Variants in CAMK1D observed in about 807,000 individuals in gnomAD.
The protein encoded by CAMK1D is calcium/calmodulin dependent protein kinase ID, also known as calcium/calmodulin-dependent protein kinase type 1D.
Under a neutral mutation model 47.7 loss-of-function variants are expected in CAMK1D, and 9 were observed. That is an observed-to-expected ratio of 0.19 (90% CI 0.11 to 0.33). CAMK1D has a LOEUF of 0.33. CAMK1D is among the 10% of genes least tolerant of loss of function. The probability of loss-of-function intolerance (pLI) is 1.00; values close to 1 mark genes in which losing one functional copy is unlikely to be tolerated. For missense variants in CAMK1D, 291 were observed against 488.7 expected (o/e 0.60, Z 3.81); for synonymous variants, 184 against 184.9 (o/e 0.99, Z 0.04).
intron 2 of CAMK1D, among the ~76,000 whole-genome samples, chr10:12,620,199 A>AAAAAAAAAAAG (rs1838952667): frequency 6.9e-6 from 1 of 144,290 alleles, no homozygotes; most frequent in Non-Finnish European, 1.6e-5. Flanking sequence ...AAAAAAAAAA[A>AAAAAAAAAAAG]AAAAAAAAAA....
chr10:12,662,470 G>C (rs1253653920), intron 2 of CAMK1D, among the ~76,000 whole-genome samples: 1 of 152,144 alleles, frequency 6.6e-6, no homozygotes, highest in Non-Finnish European at 1.5e-5. Context: ...GACTAACGCG[G>C]TGAAACCCTG....
At chr10:12,747,086 C>T (rs1318260592) in intron 3 of CAMK1D, among the ~76,000 whole-genome samples, 1 of 151,882 alleles carries the variant, frequency 6.6e-6, no homozygotes, top group Non-Finnish European at 1.5e-5. Context: ...GGCTAGAGTG[C>T]AGTGGCACGA....
Position 12,830,824 on chromosome 10 carries a change from CCAGTCATGGGAAGTCCTGTTGGTT to C in CAMK1D, c.*1938_*1961del, listed in dbSNP as rs1833403648. 7.9e-6 allele frequency: 1 copy of C among 127,156 alleles called. No homozygotes were observed. Among genetic ancestry groups the C allele is most frequent in the South Asian group, 2.8e-4 (1 of 3,550 alleles). 7.9% of individuals were successfully genotyped at this position (127,156 alleles called of 1,614,324 possible). A position where few individuals can be genotyped will look rare whatever the true frequency, so the allele number is the denominator to read the frequency against. On this transcript the variant is annotated 3_prime_UTR_variant, in exon 11 of 11. Coordinates refer to ENST00000619168, the MANE Select transcript of CAMK1D (RefSeq NM_153498.4). Reference sequence around the variant, plus strand: ...CCTCATGCCCTCTTCCTCTGGCTGGCCAGTCATGGGAAGTCCTGTTGGTTGAGTCATCTTTGTCACTTCTACACC... The same window carrying C: ...CCTCATGCCCTCTTCCTCTGGCTGGCGAGTCATCTTTGTCACTTCTACACC...
At chr10:12,405,377 C>T (rs1839382530) in intron 1 of CAMK1D, among the ~76,000 whole-genome samples, 1 of 152,154 alleles carries the variant, frequency 6.6e-6, no homozygotes, top group South Asian at 2.1e-4. Context: ...ATCAGCGAGC[C>T]TCGGAGTCAT....
At chr10:12,791,686 G>A (rs534493965) in intron 6 of CAMK1D, among the ~76,000 whole-genome samples, 6 of 152,258 alleles carry the variant, frequency 3.9e-5, no homozygotes, top group Admixed American at 1.3e-4. Flanking sequence ...AGTATATTCC[G>A]TTGTGTGGAT....
chr10:12,537,725 A>G (rs944508674), intron 1 of CAMK1D, among the ~76,000 whole-genome samples: 2 of 152,226 alleles, frequency 1.3e-5, no homozygotes, highest in Non-Finnish European at 2.9e-5. Flanking sequence ...AGCCCTTGGC[A>G]TAACAGGGCT....
intron 1 of CAMK1D, among the ~76,000 whole-genome samples, chr10:12,486,419 A>C (rs1271902016): frequency 2.0e-5 from 3 of 152,094 alleles, no homozygotes; most frequent in Non-Finnish European, 4.4e-5. Context: ...CGGTCTCCCA[A>C]AGTGCTGGGA....
Position 12,487,013 on chromosome 10 carries a change from GA to G in CAMK1D, c.93-66204del, listed in dbSNP as rs571941335. Among the ~76,000 whole-genome samples, 116 of 151,926 alleles carry G rather than the reference GA, an allele frequency of 7.6e-4. 1 individual carries two copies. Among genetic ancestry groups the G allele is most frequent in the African/African-American group, 1.8e-3 (76 of 41,432 alleles). ...GGAGAAATTTAGGAGCTAATTAAAA[GA>G]AAAAAAACACCTTTTATTTTAGGTT... is the stretch of plus-strand genomic sequence containing the variant. On this transcript the variant is annotated intron_variant, in intron 1 of 10. Transcript: ENST00000619168.
chr10:12,685,266 A>G (rs1341492563), intron 3 of CAMK1D, among the ~76,000 whole-genome samples: 1 of 152,234 alleles, frequency 6.6e-6, no homozygotes, highest in East Asian at 1.9e-4. Context: ...ATGCCACTGC[A>G]CTCCAGCCTG....
intron 4 of CAMK1D, among the ~76,000 whole-genome samples, chr10:12,765,958 CTTTTTTTTTTT>C (rs147498267): frequency 5.8e-5 from 5 of 86,506 alleles, no homozygotes; most frequent in African/African-American, 1.9e-4. Context: ...CCATCCTAAT[CTTTTTTTTTTT>C]TTTTTTTTTT....
intron 1 of CAMK1D, among the ~76,000 whole-genome samples, chr10:12,488,767 C>CG (rs1406799265): frequency 2.0e-5 from 3 of 152,030 alleles, no homozygotes; most frequent in African/African-American, 4.8e-5. Context: ...CTAGATCCCT[C>CG]GCGTGCGCAG....
chr10:12,550,661 C>A (rs369886973), intron 1 of CAMK1D, among the ~76,000 whole-genome samples: 1 of 152,166 alleles, frequency 6.6e-6, no homozygotes, highest in African/African-American at 2.4e-5. Context: ...CTGGCAGGTT[C>A]TAGAAGGTTT....
intron 1 of CAMK1D, among the ~76,000 whole-genome samples, chr10:12,501,883 G>T (rs1017931535): frequency 3.9e-5 from 6 of 152,178 alleles, no homozygotes; most frequent in Non-Finnish European, 7.3e-5. Context: ...TGCTTTTGGA[G>T]TGGTGTGTGC....
At chr10:12,649,718 A>C (rs548338496) in intron 2 of CAMK1D, among the ~76,000 whole-genome samples, 1 of 152,220 alleles carries the variant, frequency 6.6e-6, no homozygotes, top group African/African-American at 2.4e-5. Flanking sequence ...GACATGTTGC[A>C]GGATACGTTT....
At chr10:12,485,333 T>G (rs1328146906) in intron 1 of CAMK1D, among the ~76,000 whole-genome samples, 1 of 152,136 alleles carries the variant, frequency 6.6e-6, no homozygotes, top group Non-Finnish European at 1.5e-5. Context: ...CCTGGGATGG[T>G]CAGAGCTTCC....
At chr10:12,666,707 C>G (rs762312674) in intron 2 of CAMK1D, 29 bp from the exon 3 acceptor site, 1 of 1,567,280 alleles carries the variant, frequency 6.4e-7, no homozygotes, top group South Asian at 1.1e-5. Flanking sequence ...ATCATACTCA[C>G]TATTTTGTGC....
intron 3 of CAMK1D, among the ~76,000 whole-genome samples, chr10:12,731,652 C>T (rs1834889410): frequency 6.6e-6 from 1 of 152,162 alleles, no homozygotes; most frequent in Admixed American, 6.6e-5. Context: ...CAGTGATCAG[C>T]TGTGGAATCT....
intron 3 of CAMK1D, among the ~76,000 whole-genome samples, chr10:12,680,365 T>C (rs12413453): frequency 0.36 from 55,303 of 152,054 alleles, 10,791 homozygotes; most frequent in South Asian, 0.49. Flanking sequence ...ACCCAAAAAG[T>C]AGAGGGTTTT....
chr10:12,743,563 T>A (rs1835532267), intron 3 of CAMK1D, among the ~76,000 whole-genome samples: 1 of 152,160 alleles, frequency 6.6e-6, no homozygotes, highest in African/African-American at 2.4e-5. Flanking sequence ...TACAACTCAG[T>A]ACAGTACTTT....
Sources: gnomAD v4.1 joint callset for allele counts (sites outside exome capture counted in the v4.1 genomes callset) on GRCh38, gnomAD v4.1.1 for gene constraint, MANE v1.5 for transcripts, NCBI Gene and HGNC (gene_info 2026-07-23, HGNC 2026-07-21) for gene names.